Variants in RPS6KC1 observed in about 807,000 individuals in gnomAD.
RPS6KC1 encodes the protein ribosomal protein S6 kinase C1, also known as inactive ribosomal protein S6 kinase delta-1.
RPS6KC1 carries 54 observed loss-of-function variants against 103.8 expected under a neutral mutation model. That is an observed-to-expected ratio of 0.52 (90% CI 0.42 to 0.65). The LOEUF is 0.65. Ranked by LOEUF, RPS6KC1 falls within the 30% of genes least tolerant of loss-of-function variation. RPS6KC1 has a pLI of 0.00. For synonymous variants in RPS6KC1, 439 were observed against 438.7 expected, an observed-to-expected ratio of 1.00 and a Z score of -0.01; for missense variants, 1,151 against 1,253.8, an observed-to-expected ratio of 0.92 and a Z score of 1.24.
At chr1:213,069,558 T>C (rs770604862) in intron 1 of RPS6KC1, among the ~76,000 whole-genome samples, 2 of 152,202 alleles carry the variant, frequency 1.3e-5, no homozygotes, top group South Asian at 2.1e-4. Context: ...TTTTGGACTT[T>C]AGGGGTGTTG....
At chr1:213,455,173 A>G in the RPS6KC1 span, among the ~76,000 whole-genome samples, 1 of 152,166 alleles carries the variant, frequency 6.6e-6, no homozygotes, top group Non-Finnish European at 1.5e-5. Flanking sequence ...TTTAATTAGA[A>G]CTTCAAAGGA....
the RPS6KC1 span, among the ~76,000 whole-genome samples, chr1:213,461,884 C>A: frequency 6.6e-6 from 1 of 152,204 alleles, no homozygotes; most frequent in East Asian, 1.9e-4. Context: ...ACTAAAACAC[C>A]AAAAGCAATG....
the RPS6KC1 span, among the ~76,000 whole-genome samples, chr1:213,565,297 CA>C: frequency 3.3e-5 from 5 of 152,156 alleles, no homozygotes; most frequent in Admixed American, 2.0e-4. Context: ...AATACATTCA[CA>C]AAAAGACTTG....
At chr1:213,413,127 C>T in the RPS6KC1 span, among the ~76,000 whole-genome samples, 43 of 152,102 alleles carry the variant, frequency 2.8e-4, no homozygotes, top group Non-Finnish European at 4.6e-4. Flanking sequence ...TATCTACTTT[C>T]GAAAATTTTT....
chr1:213,486,439 C>A, the RPS6KC1 span, among the ~76,000 whole-genome samples: 6 of 151,948 alleles, frequency 3.9e-5, no homozygotes, highest in Non-Finnish European at 5.9e-5. Flanking sequence ...CCTAAGGGAC[C>A]AATGAGGCTT....
the RPS6KC1 span, among the ~76,000 whole-genome samples, chr1:213,335,678 A>C: frequency 1.3e-5 from 2 of 152,202 alleles, no homozygotes; most frequent in African/African-American, 4.8e-5. Flanking sequence ...CCAAGATACA[A>C]GGGAGATGGG....
intron 12 of RPS6KC1, among the ~76,000 whole-genome samples, chr1:213,248,388 AACAAGTAT>A (rs1378679138): frequency 6.6e-6 from 1 of 152,200 alleles, no homozygotes; most frequent in Admixed American, 6.5e-5. Context: ...TTGAATGATT[AACAAGTAT>A]GTTTAGTCCT....
chr1:213,417,894 A>G, the RPS6KC1 span, among the ~76,000 whole-genome samples: 1 of 152,198 alleles, frequency 6.6e-6, no homozygotes, highest in Non-Finnish European at 1.5e-5. Context: ...TCCATGAGGC[A>G]GGTGATACCG....
the RPS6KC1 span, among the ~76,000 whole-genome samples, chr1:213,644,186 C>A: frequency 6.6e-6 from 1 of 151,884 alleles, no homozygotes; most frequent in African/African-American, 2.4e-5. Context: ...CAAGCAAACC[C>A]ATATATAGAT....
chr1:213,749,610 A>G, the RPS6KC1 span, among the ~76,000 whole-genome samples: 4 of 152,160 alleles, frequency 2.6e-5, no homozygotes, highest in African/African-American at 9.7e-5. Context: ...CCCCACAACC[A>G]AAAGGGCACT....
At chr1:213,354,592 AG>A in the RPS6KC1 span, among the ~76,000 whole-genome samples, 30 of 152,218 alleles carry the variant, frequency 2.0e-4, no homozygotes, top group Non-Finnish European at 3.2e-4. Context: ...TCCAAGGTCA[AG>A]GGGCTGCATC....
the RPS6KC1 span, among the ~76,000 whole-genome samples, chr1:213,287,035 A>G: frequency 4.4e-4 from 67 of 152,366 alleles, no homozygotes; most frequent in Middle Eastern, 3.4e-3. Flanking sequence ...TTAAGAAATA[A>G]TTGAAAGATA....
the RPS6KC1 span, among the ~76,000 whole-genome samples, chr1:213,786,520 C>CA: frequency 9.2e-5 from 14 of 152,074 alleles, no homozygotes; most frequent in Admixed American, 2.6e-4. Context: ...GGCCAGGTGT[C>CA]CTTGGATAAA....
intron 4 of RPS6KC1, among the ~76,000 whole-genome samples, chr1:213,108,303 G>T (rs971085666): frequency 2.0e-5 from 3 of 152,036 alleles, no homozygotes; most frequent in African/African-American, 7.2e-5. Flanking sequence ...TCATCTTCTG[G>T]TGTGTGTATA....
chr1:213,356,099 T>C, the RPS6KC1 span, among the ~76,000 whole-genome samples: 1 of 152,266 alleles, frequency 6.6e-6, no homozygotes, highest in African/African-American at 2.4e-5. Context: ...ACTCCAAAGA[T>C]AGACGAGGTC....
At chr1:213,567,216 A>T in the RPS6KC1 span, among the ~76,000 whole-genome samples, 3 of 152,254 alleles carry the variant, frequency 2.0e-5, no homozygotes, top group African/African-American at 7.2e-5. Context: ...CCTCATCCAG[A>T]GCCTAGTATG....
the RPS6KC1 span, among the ~76,000 whole-genome samples, chr1:213,387,316 T>G: frequency 1.3e-5 from 2 of 152,248 alleles, no homozygotes; most frequent in Non-Finnish European, 2.9e-5. Context: ...ATAAAACCCA[T>G]AGGTTTAAGG....
intron 8 of RPS6KC1, among the ~76,000 whole-genome samples, chr1:213,178,200 A>C (rs2092014827): frequency 6.8e-6 from 1 of 147,826 alleles, no homozygotes. Context: ...TAAATAAATA[A>C]ATAAATAAAT....
chr1:213,600,767 G>A, the RPS6KC1 span, among the ~76,000 whole-genome samples: 1 of 152,140 alleles, frequency 6.6e-6, no homozygotes, highest in African/African-American at 2.4e-5. Flanking sequence ...CAACCATAGG[G>A]TGCATGTTTT....
Sources: allele counts gnomAD v4.1 joint callset (sites outside exome capture counted in the v4.1 genomes callset), GRCh38; gene constraint gnomAD v4.1.1; transcripts MANE v1.5; gene names NCBI Gene and HGNC (gene_info 2026-07-23, HGNC 2026-07-21).